BCAR3: variants seen among roughly 807,000 people sequenced by gnomAD.
The protein encoded by BCAR3 is breast cancer anti-estrogen resistance protein 3.
Under a neutral mutation model 80.1 loss-of-function variants are expected in BCAR3, and 37 were observed. That is an observed-to-expected ratio of 0.46 (90% CI 0.36 to 0.61). The LOEUF (loss-of-function observed/expected upper bound fraction) is 0.61, where lower values mean the gene tolerates loss of function less well. Among genes scored for constraint, BCAR3 ranks in the 20% least tolerant of loss-of-function variants. The pLI, the probability that BCAR3 is intolerant of heterozygous loss-of-function variation, is 0.00. For missense variants in BCAR3, 978 were observed against 1,068.2 expected (o/e 0.92, Z 1.18); for synonymous variants, 389 against 418.9 (o/e 0.93, Z 0.87).
intron 3 of BCAR3, among the ~76,000 whole-genome samples, chr1:93,613,667 G>A (rs1675020619): frequency 6.6e-6 from 1 of 152,208 alleles, no homozygotes; most frequent in African/African-American, 2.4e-5. Context: ...GTGCCACTGG[G>A]TTCTGCTTCC....
rs138391131 is a variant in BCAR3 at position 93,586,928 on chromosome 1, C to T, written c.929+2049G>A. ...TAGCTGGGACTACAGGCGTGCACCA[C>T]CACACCTGGTTAATTTTTGCATTTT... On this transcript the variant is annotated intron_variant, in intron 5 of 11. Coordinates refer to ENST00000260502, the MANE Select transcript of BCAR3 (RefSeq NM_003567.4). This position sits in a 1 kb window ranked among gnomAD's most constrained non-coding sequence, Gnocchi z 4.2. 8.9e-4 allele frequency among the ~76,000 whole-genome samples: 135 copies of T among 152,298 alleles called. 1 individual carries two copies. Among genetic ancestry groups the T allele is most frequent in the African/African-American group, 3.0e-3 (123 of 41,570 alleles).
chr1:93,777,363 T>TTCTTCC (rs201627939), intron 2 of BCAR3, among the ~76,000 whole-genome samples: 16,902 of 129,808 alleles, frequency 0.13, 1,445 homozygotes, highest in African/African-American at 0.25. Context: ...CTTCCTCCTC[T>TTCTTCC]TCTTCTTCTT....
intron 2 of BCAR3, among the ~76,000 whole-genome samples, chr1:93,749,886 C>CTTTTT (rs754541949): frequency 1.4e-5 from 2 of 140,402 alleles, no homozygotes; most frequent in Non-Finnish European, 1.5e-5. Context: ...ATGATCTTGA[C>CTTTTT]TTATTTTTTT....
Position 93,592,140 on chromosome 1 carries a change from G to C in BCAR3, c.486+125C>G. 7.3e-7 allele frequency: 1 copy of C among 1,366,542 alleles called. No homozygotes were observed. Among genetic ancestry groups the C allele is most frequent in the African/African-American group, 1.5e-5 (1 of 68,766 alleles). 84.7% of individuals were successfully genotyped at this position (1,366,542 alleles called of 1,614,324 possible). On this transcript the variant is annotated intron_variant, in intron 4 of 11. Transcript: ENST00000260502. This position sits in a 1 kb window ranked among gnomAD's most constrained non-coding sequence, Gnocchi z 4.8. ...GGGTCTAAATGAAGTCATTTTTAGA[G>C]TATTTGTTTTTGGTTACACAGGTGC... is the stretch of plus-strand genomic sequence containing the variant.
At chr1:93,706,564 C>T (rs955771268) in intron 2 of BCAR3, among the ~76,000 whole-genome samples, 4 of 152,114 alleles carry the variant, frequency 2.6e-5, no homozygotes, top group South Asian at 2.1e-4. Context: ...CTGGCCCCAT[C>T]ACTTACAAAG....
chr1:93,834,785 T>C (rs1654705343), intron 2 of BCAR3, among the ~76,000 whole-genome samples: 3 of 152,232 alleles, frequency 2.0e-5, no homozygotes, highest in Admixed American at 1.3e-4. Context: ...TCGGCTAAAC[T>C]CACTCTTTGT....
At chr1:93,642,194 A>C (rs376997725) in intron 3 of BCAR3, 110 bp downstream of exon 3, 3 of 1,264,886 alleles carry the variant, frequency 2.4e-6, no homozygotes. Context: ...TGGAGAGTCT[A>C]ATCAGCTTTT....
At chr1:93,767,378 G>T (rs768002211) in intron 2 of BCAR3, among the ~76,000 whole-genome samples, 9 of 152,028 alleles carry the variant, frequency 5.9e-5, no homozygotes, top group Non-Finnish European at 1.2e-4. Context: ...ACAAAAATTA[G>T]CCAGGTATGG....
At chr1:93,568,152 C>T (rs1357021480) in intron 9 of BCAR3, 4 of 218,486 alleles carry the variant, frequency 1.8e-5, no homozygotes, top group Non-Finnish European at 3.7e-5. Flanking sequence ...TGCCACTGCA[C>T]TCCAGCCTGG....
intron 3 of BCAR3, among the ~76,000 whole-genome samples, chr1:93,697,272 C>T (rs1649446955): frequency 6.6e-6 from 1 of 152,242 alleles, no homozygotes; most frequent in Non-Finnish European, 1.5e-5. Context: ...CTACCCTAAA[C>T]CCTAAGGGCT....
At chr1:93,675,207 A>G (rs41309185) in intron 1 of BCAR3, among the ~76,000 whole-genome samples, 2,317 of 152,348 alleles carry the variant, frequency 0.015, 19 homozygotes, top group Non-Finnish European at 0.025. Flanking sequence ...TTAGAGGCAT[A>G]TAAGCCATGC....
intron 3 of BCAR3, among the ~76,000 whole-genome samples, chr1:93,621,391 G>C (rs1344219573): frequency 1.3e-5 from 2 of 152,214 alleles, no homozygotes; most frequent in East Asian, 3.8e-4. Context: ...TCATTGAGGA[G>C]AGGGGTTATG....
At chr1:93,676,833 C>A (rs376349630) in intron 1 of BCAR3, among the ~76,000 whole-genome samples, 3 of 152,320 alleles carry the variant, frequency 2.0e-5, no homozygotes, top group African/African-American at 7.2e-5. Context: ...TAGGGCCACA[C>A]TGTTGATCAA....
At chr1:93,783,300 T>C (rs1017539000) in intron 2 of BCAR3, among the ~76,000 whole-genome samples, 1 of 152,208 alleles carries the variant, frequency 6.6e-6, no homozygotes, top group African/African-American at 2.4e-5. Context: ...CCATAGCCTC[T>C]ACCTGCCAGA....
chr1:93,814,359 T>C lies in BCAR3; in HGVS notation c.-63+31208A>G, dbSNP rs1289754610. On this transcript the variant is annotated intron_variant, in intron 2 of 13. Coordinates refer to the BCAR3 transcript ENST00000370244. ...ACCTTAGGCAAGTTATTCAGCCTTA[T>C]TGAACCTCAATTTCCACATCTCACA... Among the ~76,000 whole-genome samples, 5 of 152,356 alleles carry C rather than the reference T, an allele frequency of 3.3e-5. No individual in the cohort carries two copies. The South Asian group carries it at 8.3e-4, about 25-fold the overall frequency.
At chr1:93,632,699 T>C (rs1310628245) in intron 3 of BCAR3, among the ~76,000 whole-genome samples, 2 of 152,186 alleles carry the variant, frequency 1.3e-5, no homozygotes, top group East Asian at 1.9e-4. Flanking sequence ...AATAAAACTA[T>C]GGATGCACAT....
intron 3 of BCAR3, among the ~76,000 whole-genome samples, chr1:93,611,264 A>C (rs757964356): frequency 7.9e-5 from 12 of 152,182 alleles, no homozygotes; most frequent in African/African-American, 1.4e-4. Context: ...CCATGCCTCA[A>C]ATCTCATTTA....
intron 2 of BCAR3, among the ~76,000 whole-genome samples, chr1:93,739,151 C>T (rs1426083739): frequency 6.6e-6 from 1 of 152,194 alleles, no homozygotes; most frequent in Non-Finnish European, 1.5e-5. Flanking sequence ...GGGAAATAAA[C>T]TTCCTTTCCC....
intron 3 of BCAR3, among the ~76,000 whole-genome samples, chr1:93,701,391 G>A (rs1052547965): frequency 1.7e-4 from 26 of 152,202 alleles, no homozygotes; most frequent in African/African-American, 6.0e-4. Flanking sequence ...CATTGGAATG[G>A]AAGTCAGGGT....
Sources: allele counts gnomAD v4.1 joint callset (sites outside exome capture counted in the v4.1 genomes callset), GRCh38; gene constraint gnomAD v4.1.1; non-coding constraint Gnocchi (gnomAD v3.1); transcripts MANE v1.5; gene names NCBI Gene and HGNC (gene_info 2026-07-23, HGNC 2026-07-21).